LRP1B: variants seen among roughly 807,000 people sequenced by gnomAD.
LRP1B encodes the protein low-density lipoprotein receptor-related protein 1B.
LRP1B carries 217 observed loss-of-function variants against 556.6 expected under a neutral mutation model. The observed-to-expected ratio is 0.39, with a 90% CI of 0.35 to 0.44. The LOEUF (loss-of-function observed/expected upper bound fraction) is 0.44. Among genes scored for constraint, LRP1B ranks in the 20% least tolerant of loss-of-function variants. LRP1B has a pLI of 1.00. For missense variants in LRP1B, 5,053 were observed against 5,620.8 expected (o/e 0.90, Z 3.23); for synonymous variants, 2,047 against 1,865.8 (o/e 1.10, Z -2.50).
At chr2:141,723,825 C>T (rs929348967) in intron 2 of LRP1B, among the ~76,000 whole-genome samples, 3 of 151,242 alleles carry the variant, frequency 2.0e-5, no homozygotes, top group Non-Finnish European at 3.0e-5. Flanking sequence ...TCAGAAATGT[C>T]GTAAAATATA....
At chr2:140,681,036 A>G (rs1417459040) in intron 41 of LRP1B, among the ~76,000 whole-genome samples, 2 of 152,190 alleles carry the variant, frequency 1.3e-5, no homozygotes, top group Non-Finnish European at 2.9e-5. Context: ...GTCACAGGAA[A>G]ATGAAACTCC....
At chr2:140,851,612 AT>A (rs769450733) in intron 28 of LRP1B, 39 bp downstream of exon 28, 1 of 1,588,608 alleles carries the variant, frequency 6.3e-7, no homozygotes, top group Non-Finnish European at 8.5e-7. Context: ...AGAGAATTCA[AT>A]TTTGTTTTTA....
intron 2 of LRP1B, among the ~76,000 whole-genome samples, chr2:141,800,709 C>A (rs1695980841): frequency 6.6e-6 from 1 of 152,102 alleles, no homozygotes; most frequent in South Asian, 2.1e-4. Context: ...ACATCATCTT[C>A]TTTATCATGG....
At chr2:141,994,563 G>C (rs1702435518) in intron 1 of LRP1B, among the ~76,000 whole-genome samples, 1 of 152,036 alleles carries the variant, frequency 6.6e-6, no homozygotes, top group Non-Finnish European at 1.5e-5. Context: ...TTACATGTAT[G>C]TATATCTATC....
intron 82 of LRP1B, among the ~76,000 whole-genome samples, chr2:140,317,949 TG>T (rs1389204512): frequency 6.7e-6 from 1 of 149,574 alleles, no homozygotes; most frequent in African/African-American, 2.6e-5. Flanking sequence ...AAGCTGCTTT[TG>T]TCAATAACTA....
rs182583472 is a variant in LRP1B at position 140,948,254 on chromosome 2, G to A, written c.3136+1981C>T. Reference sequence around the variant, plus strand: ...AGCAGACCACAGACGCACACCCCACGAGGAGCCTTAAAAGACATCTGTGAG... The same window carrying A: ...AGCAGACCACAGACGCACACCCCACAAGGAGCCTTAAAAGACATCTGTGAG... On this transcript the variant is annotated intron_variant, in intron 20 of 90. Coordinates refer to ENST00000389484, the MANE Select transcript of LRP1B (RefSeq NM_018557.3). Among the ~76,000 whole-genome samples the A allele has an allele frequency of 1.6e-4, 24 of 152,192 alleles. 1 individual carries two copies. The highest frequency in any genetic ancestry group is 5.1e-4 in the African/African-American group (21 of 41,532).
chr2:141,876,196 G>T (rs999260198), intron 1 of LRP1B, among the ~76,000 whole-genome samples: 2 of 151,860 alleles, frequency 1.3e-5, no homozygotes, highest in Non-Finnish European at 2.9e-5. Context: ...GCAATATTTT[G>T]CTTAGCTAGA....
At chr2:140,826,787 G>A (rs1483506436) in intron 31 of LRP1B, among the ~76,000 whole-genome samples, 1 of 152,122 alleles carries the variant, frequency 6.6e-6, no homozygotes, top group Non-Finnish European at 1.5e-5. Context: ...AGGGCCTGTA[G>A]GGAGAAAACC....
chr2:140,989,890 T>G (rs1697038912), intron 16 of LRP1B, among the ~76,000 whole-genome samples: 1 of 152,126 alleles, frequency 6.6e-6, no homozygotes, highest in South Asian at 2.1e-4. Flanking sequence ...GGAAATGTAT[T>G]CTTTTTTTAT....
At chr2:140,590,346 T>C (rs1682168880) in intron 43 of LRP1B, among the ~76,000 whole-genome samples, 1 of 149,140 alleles carries the variant, frequency 6.7e-6, no homozygotes, top group Non-Finnish European at 1.5e-5. Flanking sequence ...TGTGTGTGTA[T>C]ATATATATAT....
At chr2:140,534,756 C>A (rs1558950064) in intron 46 of LRP1B, among the ~76,000 whole-genome samples, 2 of 152,088 alleles carry the variant, frequency 1.3e-5, no homozygotes, top group Non-Finnish European at 2.9e-5. Flanking sequence ...TAATAGCTGC[C>A]ACGTATTAAA....
chr2:141,721,389 T>G (rs1479951541), intron 2 of LRP1B, among the ~76,000 whole-genome samples: 1 of 152,182 alleles, frequency 6.6e-6, no homozygotes, highest in Non-Finnish European at 1.5e-5. Context: ...TAATAGTGGT[T>G]GAATTCGTAC....
chr2:141,364,103 A>G (rs893526825), intron 3 of LRP1B, among the ~76,000 whole-genome samples: 7 of 152,160 alleles, frequency 4.6e-5, no homozygotes, highest in Non-Finnish European at 8.8e-5. Flanking sequence ...TCTGTATGTT[A>G]TAATCAGCAT....
intron 22 of LRP1B, 89 bp downstream of exon 22, chr2:140,907,788 G>T: frequency 9.0e-7 from 1 of 1,107,006 alleles, no homozygotes; most frequent in Non-Finnish European, 1.4e-6. Flanking sequence ...ATGAATGAAA[G>T]GAATGAATGC....
intron 7 of LRP1B, among the ~76,000 whole-genome samples, chr2:141,107,604 C>T (rs1700638941): frequency 6.6e-6 from 1 of 152,072 alleles, no homozygotes; most frequent in African/African-American, 2.4e-5. Context: ...TGAGATCGCG[C>T]CACTGCACTC....
chr2:141,629,029 T>A (rs1210214563), intron 2 of LRP1B, among the ~76,000 whole-genome samples: 1 of 152,204 alleles, frequency 6.6e-6, no homozygotes, highest in Non-Finnish European at 1.5e-5. Flanking sequence ...TATCTCCACG[T>A]ATACATGAGA....
chr2:140,923,102 T>G lies in LRP1B; in HGVS notation c.3182A>C (p.His1061Pro). The G allele has an allele frequency of 6.2e-7, 1 of 1,612,392 alleles. No homozygotes were observed. The highest frequency in any genetic ancestry group is 8.5e-7 in the Non-Finnish European group (1 of 1,179,090). ...ATCAGGAACGCAATTACCATCAGGG[T>G]GGCACTGAAATTCATTTCCGTTACA... ...AGCNGNEFQC[H>P]PDGNCVPDLW... is the part of the protein sequence containing the mutation. The change falls in exon 21 of 91, where the codon CAC becomes CCC. Residue 1061 changes from histidine to proline, a missense_variant. This residue lies in a region of LRP1B where 3,619 missense variants were observed against 3,931.9 expected (regional missense o/e 0.92). Coordinates refer to ENST00000389484, the MANE Select transcript of LRP1B (RefSeq NM_018557.3).
At chr2:141,165,817 A>G (rs1453806268) in intron 7 of LRP1B, among the ~76,000 whole-genome samples, 2 of 152,120 alleles carry the variant, frequency 1.3e-5, no homozygotes, top group African/African-American at 2.4e-5. Flanking sequence ...GGTTAACTCA[A>G]TGCTAGCTAT....
intron 32 of LRP1B, among the ~76,000 whole-genome samples, chr2:140,809,640 C>A (rs1690847851): frequency 1.3e-5 from 2 of 152,164 alleles, no homozygotes; most frequent in East Asian, 3.9e-4. Flanking sequence ...GAATTAATAT[C>A]TATAGCAGTG....
Sources: gnomAD v4.1 joint callset for allele counts (sites outside exome capture counted in the v4.1 genomes callset) on GRCh38, gnomAD v4.1.1 for gene constraint, gnomAD v4.1.1 regional missense constraint, MANE v1.5 for transcripts, NCBI Gene and HGNC (gene_info 2026-07-23, HGNC 2026-07-21) for gene names.